The following PRKCE variants were observed in gnomAD, a reference collection of about 807,000 sequenced individuals.
PRKCE encodes protein kinase C epsilon type.
A neutral mutation model predicts 85.4 loss-of-function variants in PRKCE; 16 were observed. The observed-to-expected ratio is 0.19, with a 90% CI of 0.13 to 0.28. The LOEUF (loss-of-function observed/expected upper bound fraction) is 0.28. PRKCE is among the 10% of genes least tolerant of loss of function. The pLI, the probability that PRKCE is intolerant of heterozygous loss-of-function variation, is 1.00. For synonymous variants in PRKCE, 388 were observed against 371.5 expected (o/e 1.04, Z -0.51); for missense variants, 573 against 975.2 (o/e 0.59, Z 5.49).
Position 45,758,487 on chromosome 2 carries a change from C to T in PRKCE, c.349-84513C>T, listed in dbSNP as rs141889189. Among the ~76,000 whole-genome samples the T allele has an allele frequency of 4.3e-3, 637 of 148,824 alleles. 6 individuals carry two copies. Among genetic ancestry groups the T allele is most frequent in the African/African-American group, 0.015 (603 of 40,210 alleles). On this transcript the variant is annotated intron_variant, in intron 1 of 14. Coordinates refer to ENST00000306156, the MANE Select transcript of PRKCE (RefSeq NM_005400.3). ...TTGTCCCTACCTCAGAGTCTTTGCACTTGCTGAGACAACTCTGCCTGGAAC... is the reference window on the plus strand; with the variant it reads ...TTGTCCCTACCTCAGAGTCTTTGCATTTGCTGAGACAACTCTGCCTGGAAC...
intron 1 of PRKCE, among the ~76,000 whole-genome samples, chr2:45,741,157 T>C (rs10170642): frequency 0.1 from 15,334 of 152,244 alleles, 1,046 homozygotes; most frequent in African/African-American, 0.19. Flanking sequence ...CTTCTATCGG[T>C]GCCTGTAAAG....
intron 2 of PRKCE, among the ~76,000 whole-genome samples, chr2:45,865,777 C>A (rs1180602026): frequency 6.6e-6 from 1 of 151,270 alleles, no homozygotes; most frequent in African/African-American, 2.4e-5. Flanking sequence ...ACTTCTCAGC[C>A]TGCAGAACTC....
At chr2:45,880,618 G>A (rs1694809173) in intron 2 of PRKCE, among the ~76,000 whole-genome samples, 1 of 152,088 alleles carries the variant, frequency 6.6e-6, no homozygotes, top group East Asian at 1.9e-4. Flanking sequence ...GGACAGCAGT[G>A]TAAAAGCAGG....
At chr2:45,904,664 G>A (rs1573819931) in intron 2 of PRKCE, among the ~76,000 whole-genome samples, 1 of 152,126 alleles carries the variant, frequency 6.6e-6, no homozygotes, top group African/African-American at 2.4e-5. Flanking sequence ...CTGTGCTCGG[G>A]GATCTCACCA....
intron 10 of PRKCE, among the ~76,000 whole-genome samples, chr2:46,021,263 C>CT (rs1468930619): frequency 1.1e-4 from 16 of 152,152 alleles, no homozygotes; most frequent in Non-Finnish European, 2.4e-4. Context: ...GGAGTTCTTA[C>CT]TCTGCTAGGC....
Position 46,155,080 on chromosome 2 carries a change from AGGTGAACAGGACTGGGTGGGGCAG to A in PRKCE, c.1920+3855_1920+3878del, listed in dbSNP as rs2104551766. Among the ~76,000 whole-genome samples the A allele has an allele frequency of 6.6e-6, 1 of 152,288 alleles. No individual in the cohort carries two copies. Among genetic ancestry groups the A allele is most frequent in the South Asian group, 2.1e-4 (1 of 4,822 alleles). The stretch of plus-strand genomic sequence containing the variant: ...GCAAGAGCCCAGCAGGAGCTGTGGA[AGGTGAACAGGACTGGGTGGGGCAG>A]GGTAAACGGAGACCCCTCATGATCC... On this transcript the variant is annotated intron_variant, in intron 13 of 14. Transcript: ENST00000306156. This position sits in a 1 kb window ranked among gnomAD's most constrained non-coding sequence, Gnocchi z 4.7.
chr2:45,856,416 A>G (rs771177906), intron 2 of PRKCE, among the ~76,000 whole-genome samples: 5 of 152,106 alleles, frequency 3.3e-5, no homozygotes, highest in Non-Finnish European at 5.9e-5. Flanking sequence ...TTTTTGGTAG[A>G]GACGGATTTT....
intron 2 of PRKCE, among the ~76,000 whole-genome samples, chr2:45,949,889 T>G (rs1573994361): frequency 3.9e-5 from 6 of 152,116 alleles, no homozygotes; most frequent in Admixed American, 3.9e-4. Flanking sequence ...CTTTGTTGTT[T>G]TTTTTTTTAA....
chr2:46,092,435 G>A (rs186112622), intron 11 of PRKCE, among the ~76,000 whole-genome samples: 38 of 152,308 alleles, frequency 2.5e-4, no homozygotes, highest in African/African-American at 8.7e-4. Context: ...GAATTGGGCA[G>A]AGGGGAGACA....
chr2:46,011,739 A>T (rs1035749133), intron 10 of PRKCE, among the ~76,000 whole-genome samples: 18 of 152,044 alleles, frequency 1.2e-4, no homozygotes, highest in Non-Finnish European at 1.9e-4. Context: ...TTCCGAACTT[A>T]TTTGATCCCA....
chr2:46,094,540 C>G (rs1235562106), intron 11 of PRKCE, among the ~76,000 whole-genome samples: 2 of 151,576 alleles, frequency 1.3e-5, no homozygotes, highest in Non-Finnish European at 2.9e-5. Flanking sequence ...GAAAAGCAAA[C>G]ACTGCATGTT....
At chr2:45,861,876 T>C (rs1332983110) in intron 2 of PRKCE, among the ~76,000 whole-genome samples, 2 of 152,216 alleles carry the variant, frequency 1.3e-5, no homozygotes, top group African/African-American at 4.8e-5. Flanking sequence ...TTTTTATATA[T>C]TAATGAAGAG....
chr2:45,942,289 A>C (rs966854575), intron 2 of PRKCE, among the ~76,000 whole-genome samples: 1 of 152,206 alleles, frequency 6.6e-6, no homozygotes, highest in East Asian at 1.9e-4. Flanking sequence ...GACAATGCTT[A>C]TCTGGGTGCA....
chr2:45,969,198 C>G (rs1701940412), intron 2 of PRKCE, among the ~76,000 whole-genome samples: 1 of 151,832 alleles, frequency 6.6e-6, no homozygotes, highest in African/African-American at 2.4e-5. Flanking sequence ...TTATTTATGC[C>G]TTTGTGAATT....
chr2:45,919,741 A>C (rs1012191179), intron 2 of PRKCE, among the ~76,000 whole-genome samples: 1 of 152,236 alleles, frequency 6.6e-6, no homozygotes, highest in African/African-American at 2.4e-5. Context: ...CTGGGGCTAG[A>C]GAAAAACACA....
At chr2:46,104,842 G>A (rs983404514) in intron 11 of PRKCE, among the ~76,000 whole-genome samples, 3 of 152,088 alleles carry the variant, frequency 2.0e-5, no homozygotes, top group African/African-American at 7.2e-5. Context: ...CTGGCGGCTG[G>A]GGTTTATCTT....
chr2:45,775,840 C>G (rs1189299040), intron 1 of PRKCE, among the ~76,000 whole-genome samples: 1 of 152,214 alleles, frequency 6.6e-6, no homozygotes, highest in African/African-American at 2.4e-5. Context: ...GTACCCCACC[C>G]CTGCTTCTCC....
At chr2:45,903,425 T>C (rs931298293) in intron 2 of PRKCE, among the ~76,000 whole-genome samples, 1 of 152,124 alleles carries the variant, frequency 6.6e-6, no homozygotes, top group Non-Finnish European at 1.5e-5. Context: ...ACCATCCCCA[T>C]GGGACAGGGT....
At chr2:46,102,818 A>T (rs1404390838) in intron 11 of PRKCE, among the ~76,000 whole-genome samples, 1 of 152,260 alleles carries the variant, frequency 6.6e-6, no homozygotes, top group Non-Finnish European at 1.5e-5. Flanking sequence ...TTTTCATTAC[A>T]TCACATCAAA....
Sources: allele counts gnomAD v4.1 joint callset (sites outside exome capture counted in the v4.1 genomes callset), GRCh38; gene constraint gnomAD v4.1.1; non-coding constraint Gnocchi (gnomAD v3.1); transcripts MANE v1.5; gene names NCBI Gene and HGNC (gene_info 2026-07-23, HGNC 2026-07-21).